CUX2: variants seen among roughly 807,000 people sequenced by gnomAD.
CUX2 encodes the protein cut like homeobox 2.
A neutral mutation model predicts 144.8 loss-of-function variants in CUX2; 40 were observed. The observed-to-expected ratio is 0.28, with a 90% CI of 0.21 to 0.36. CUX2 has a LOEUF of 0.36. Ranked by LOEUF, CUX2 falls within the 10% of genes least tolerant of loss-of-function variation. The pLI is 1.00. For synonymous variants in CUX2, 827 were observed against 875.6 expected (o/e 0.94, Z 0.98); for missense variants, 1,615 against 1,994.0 (o/e 0.81, Z 3.62).
At chr12:111,069,547 T>TGTGTGCGCGCGCGTGTGTGTGTGTGC (rs1566199239) in intron 1 of CUX2, among the ~76,000 whole-genome samples, 1 of 151,452 alleles carries the variant, frequency 6.6e-6, no homozygotes, top group Non-Finnish European at 1.5e-5. Flanking sequence ...TGTGTGTGTG[T>TGTGTGCGCGCGCGTGTGTGTGTGTGC]GTGTGCGCGC....
chr12:111,268,498 C>T (rs898396170), intron 4 of CUX2, among the ~76,000 whole-genome samples: 4 of 152,240 alleles, frequency 2.6e-5, no homozygotes, highest in Non-Finnish European at 5.9e-5. Context: ...TGCCTGGTCC[C>T]ATGCTCCACC....
chr12:111,050,879 G>A (rs561544651), intron 1 of CUX2, among the ~76,000 whole-genome samples: 1 of 152,304 alleles, frequency 6.6e-6, no homozygotes, highest in Admixed American at 6.5e-5. Flanking sequence ...ATGAAGAGAG[G>A]TTGGTTAATG....
chr12:111,155,622 A>C (rs1877322221), intron 1 of CUX2, among the ~76,000 whole-genome samples: 1 of 152,192 alleles, frequency 6.6e-6, no homozygotes, highest in Admixed American at 6.5e-5. Context: ...AAACCACCCT[A>C]GCCTCTGTCC....
chr12:111,047,460 T>G (rs936257098), intron 1 of CUX2, among the ~76,000 whole-genome samples: 1 of 152,176 alleles, frequency 6.6e-6, no homozygotes, highest in Non-Finnish European at 1.5e-5. Context: ...GCAGACCTTA[T>G]ACTCATTGCT....
intron 1 of CUX2, among the ~76,000 whole-genome samples, chr12:111,052,611 G>T (rs750222080): frequency 6.6e-6 from 1 of 152,108 alleles, no homozygotes; most frequent in Non-Finnish European, 1.5e-5. Context: ...GTGTTTCTGT[G>T]TGTGTGTCTT....
Position 111,320,004 on chromosome 12 carries a change from C to A in CUX2, c.2003-8C>A, listed in dbSNP as rs1303056022. 2.0e-6 allele frequency: 3 copies of A among 1,498,448 alleles called. No homozygotes were observed. The highest frequency in any genetic ancestry group is 2.6e-5 in the East Asian group (1 of 39,174). The allele number at this position is 1,498,448 out of a possible 1,614,324, so 92.8% of individuals were successfully genotyped here. On this transcript the variant is annotated splice_region_variant and splice_polypyrimidine_tract_variant and intron_variant, in intron 16 of 21. Coordinates refer to ENST00000261726, the MANE Select transcript of CUX2 (RefSeq NM_015267.4). This position sits in a 1 kb window ranked among gnomAD's most constrained non-coding sequence, Gnocchi z 8.1. ...GGGCCTCGGGCCGTCCTGTCCCCCTCCCCGCAGGCGAGCCCAAGACCTCGG... is the reference window on the plus strand; with the variant it reads ...GGGCCTCGGGCCGTCCTGTCCCCCTACCCGCAGGCGAGCCCAAGACCTCGG...
At chr12:111,297,128 C>A (rs1325827354) in intron 8 of CUX2, among the ~76,000 whole-genome samples, 6 of 151,722 alleles carry the variant, frequency 4.0e-5, no homozygotes, top group Non-Finnish European at 8.8e-5. Context: ...ATGCCTCCAC[C>A]CTCTGGCCCT....
At chr12:111,051,496 T>G (rs982293529) in intron 1 of CUX2, among the ~76,000 whole-genome samples, 3 of 131,510 alleles carry the variant, frequency 2.3e-5, no homozygotes, top group Non-Finnish European at 4.5e-5. Context: ...CCTAGTAACT[T>G]TTTTTTTTTG....
chr12:111,152,760 T>C (rs1258011595), intron 1 of CUX2, among the ~76,000 whole-genome samples: 1 of 152,218 alleles, frequency 6.6e-6, no homozygotes, highest in South Asian at 2.1e-4. Flanking sequence ...GGTGCGGTGC[T>C]GCGGGAGCCT....
chr12:111,327,195 G>C (rs1292799740), intron 18 of CUX2, among the ~76,000 whole-genome samples: 2 of 152,134 alleles, frequency 1.3e-5, no homozygotes, highest in Non-Finnish European at 2.9e-5. Context: ...TCTGTGGCTG[G>C]CTTCTTTCAG....
chr12:111,270,657 A>C (rs1884600426), intron 4 of CUX2: 1 of 152,050 alleles, frequency 6.6e-6, no homozygotes, highest in South Asian at 2.1e-4. Context: ...AAAAAAAAAA[A>C]AACAAGGAAC....
intron 17 of CUX2, among the ~76,000 whole-genome samples, chr12:111,321,338 G>C (rs542886277): frequency 1.3e-5 from 2 of 151,518 alleles, no homozygotes; most frequent in African/African-American, 4.9e-5. Context: ...TTGGTGTCCT[G>C]TGCCGGTATA....
rs189570802 is a variant in CUX2 at position 111,206,561 on chromosome 12, G to A, written c.64-7639G>A. 5.2e-4 allele frequency among the ~76,000 whole-genome samples: 79 copies of A among 152,272 alleles called. 1 individual carries two copies. The highest frequency in any genetic ancestry group is 3.4e-3 in the Middle Eastern group (1 of 294). ...ACATAGTGTTAGAATGGCTCTCCTT[G>A]TCTACCACACTGTACTGTGAACTCC... On this transcript the variant is annotated intron_variant, in intron 1 of 21. Coordinates refer to ENST00000261726, the MANE Select transcript of CUX2 (RefSeq NM_015267.4).
intron 1 of CUX2, among the ~76,000 whole-genome samples, chr12:111,142,909 G>A (rs1197008765): frequency 4.6e-5 from 7 of 152,130 alleles, no homozygotes; most frequent in Non-Finnish European, 2.9e-5. Context: ...CAGAGGGCTG[G>A]CATTGCCCAA....
intron 1 of CUX2, among the ~76,000 whole-genome samples, chr12:111,135,102 CAG>C (rs1332052069): frequency 6.6e-6 from 1 of 151,456 alleles, no homozygotes; most frequent in African/African-American, 2.4e-5. Flanking sequence ...AATGGCGAGA[CAG>C]AAAAGGTCCA....
intron 1 of CUX2, among the ~76,000 whole-genome samples, chr12:111,131,853 C>T (rs1875502546): frequency 6.6e-6 from 1 of 152,230 alleles, no homozygotes; most frequent in Non-Finnish European, 1.5e-5. Flanking sequence ...CTCTCAGACA[C>T]TCCCACGGGC....
At chr12:111,195,570 G>C (rs987112669) in intron 1 of CUX2, among the ~76,000 whole-genome samples, 13 of 152,192 alleles carry the variant, frequency 8.5e-5, no homozygotes, top group Non-Finnish European at 1.6e-4. Context: ...CTTGTGGACT[G>C]ACAGACACGA....
In CUX2 at chr12:111,059,559, A is replaced by G. The variant is rs1403405373; in HGVS notation, c.63+25319A>G. Among the ~76,000 whole-genome samples, 1 of 151,950 alleles carries G rather than the reference A, an allele frequency of 6.6e-6. No homozygotes were observed. Among genetic ancestry groups the G allele is most frequent in the Non-Finnish European group, 1.5e-5 (1 of 67,978 alleles). ...GGCACGTGACTCTTCTGACTTTCCTAGGTCCCCCCACCCAGGGTCAGCTTT... is the reference window on the plus strand; with the variant it reads ...GGCACGTGACTCTTCTGACTTTCCTGGGTCCCCCCACCCAGGGTCAGCTTT... On this transcript the variant is annotated intron_variant, in intron 1 of 21. Transcript: ENST00000261726. The surrounding 1 kb of genome is among the most constrained non-coding windows in gnomAD (Gnocchi z 5.3).
In CUX2 at chr12:111,347,850, A is replaced by C; in HGVS notation, c.3986A>C (p.Lys1329Thr). The C allele has an allele frequency of 6.2e-7, 1 of 1,614,072 alleles. No homozygotes were observed. The highest frequency in any genetic ancestry group is 1.1e-5 in the South Asian group (1 of 91,080). Reference protein sequence around the residue: ...GELDKGQGPPKEEHPDPPGND... With the variant: ...GELDKGQGPPTEEHPDPPGND... ...CTGGACAAAGGCCAAGGTCCCCCCA[A>C]AGAGGAGCATCCCGACCCTCCGGGT... Residue 1329 changes from lysine to threonine, a missense_variant, in exon 22 of 22, where the codon AAA becomes ACA. By Grantham distance (78) the Lys-to-Thr change is moderately conservative. Transcript: ENST00000261726.
Sources: allele counts gnomAD v4.1 joint callset (sites outside exome capture counted in the v4.1 genomes callset), GRCh38; gene constraint gnomAD v4.1.1; non-coding constraint Gnocchi (gnomAD v3.1); transcripts MANE v1.5; gene names NCBI Gene and HGNC (gene_info 2026-07-23, HGNC 2026-07-21).